Variants in EGF observed in about 807,000 individuals in gnomAD.
The protein encoded by EGF is epidermal growth factor.
A neutral mutation model predicts 143.8 loss-of-function variants in EGF; 95 were observed. That is an observed-to-expected ratio of 0.66 (90% CI 0.56 to 0.78). The LOEUF is 0.78. Among genes scored for constraint, EGF ranks in the 30% least tolerant of loss-of-function variants. The probability of loss-of-function intolerance (pLI) is 0.00; values close to 1 mark genes in which losing one functional copy is unlikely to be tolerated. For missense variants in EGF, 1,320 were observed against 1,470.9 expected (o/e 0.90, Z 1.68); for synonymous variants, 510 against 510.5 (o/e 1.00, Z 0.01).
chr4:109,996,848 G>A (rs916338926), intron 20 of EGF, among the ~76,000 whole-genome samples: 2 of 152,196 alleles, frequency 1.3e-5, no homozygotes, highest in African/African-American at 4.8e-5. Flanking sequence ...TGGGCTCAGA[G>A]GAGGTCCTCG....
At chr4:109,975,748 A>C (rs1165652769) in intron 12 of EGF, among the ~76,000 whole-genome samples, 1 of 152,202 alleles carries the variant, frequency 6.6e-6, no homozygotes, top group Non-Finnish European at 1.5e-5. Flanking sequence ...CATATATTGC[A>C]ATTTTTAAAC....
chr4:109,920,541 C>T (rs917413302), intron 1 of EGF, among the ~76,000 whole-genome samples: 5 of 151,506 alleles, frequency 3.3e-5, no homozygotes, highest in Non-Finnish European at 5.9e-5. Context: ...AAAGAAATCA[C>T]GTTCTTTTAA....
chr4:110,004,647 C>G, intron 22 of EGF, 25 bp downstream of exon 22: 1 of 1,602,572 alleles, frequency 6.2e-7, no homozygotes. Context: ...GCAGATGAAG[C>G]AAGGAATTGG....
intron 19 of EGF, 47 bp downstream of exon 19, chr4:109,993,416 G>C (rs910373763): frequency 6.2e-7 from 1 of 1,610,320 alleles, no homozygotes; most frequent in South Asian, 1.1e-5. Context: ...CTTGGCTCGG[G>C]GATATTCTAT....
intron 1 of EGF, among the ~76,000 whole-genome samples, chr4:109,930,356 A>G (rs1739475024): frequency 6.6e-6 from 1 of 152,148 alleles, no homozygotes; most frequent in South Asian, 2.1e-4. Context: ...GTAGTAATAA[A>G]TGACTCTTCT....
chr4:109,974,202 C>A (rs762291015), intron 11 of EGF, among the ~76,000 whole-genome samples: 2 of 152,120 alleles, frequency 1.3e-5, no homozygotes, highest in Non-Finnish European at 2.9e-5. Context: ...TGGTACCAAT[C>A]CCCCACAGAT....
chr4:109,983,533 T>C lies in EGF; in HGVS notation c.2483T>C (p.Met828Thr). The change falls in exon 16 of 24, where the codon ATG (methionine) becomes ACG (threonine). Residue 828 changes from methionine (M) to threonine (T), a missense_variant. Transcript: ENST00000265171. ...CAACACATGCTAGTGGCTGAAATCA[T>C]GGTGTCAGGTATGAATAACTAGTTC... ...ESQHMLVAEIMVSDQDDCAPV... is the reference protein window; with the variant it reads ...ESQHMLVAEITVSDQDDCAPV... 1 of 1,613,760 alleles carries C rather than the reference T, an allele frequency of 6.2e-7. No homozygotes were observed. The highest frequency in any genetic ancestry group is 8.5e-7 in the Non-Finnish European group (1 of 1,179,766).
rs11568992 is a variant in EGF at position 109,976,096 on chromosome 4, C to T, written c.1914C>T (p.Ser638=). 2 of 1,614,138 alleles carry T rather than the reference C, an allele frequency of 1.2e-6. No homozygotes were observed. Among genetic ancestry groups the T allele is most frequent in the South Asian group, 1.1e-5 (1 of 91,084 alleles). Residue 638 remains serine, a synonymous_variant, in exon 13 of 24, where the codon AGC becomes AGT. Transcript: ENST00000265171. ...GCCTTGGCCGTCTGGTTATAGCCAGCTCTGATCTAATCTGGCCCAGTGGAA... is the reference window on the plus strand; with the variant it reads ...GCCTTGGCCGTCTGGTTATAGCCAGTTCTGATCTAATCTGGCCCAGTGGAA... ...LQGLGRLVIA[S]SDLIWPSGIT... is the part of the protein sequence containing the mutation.
At chr4:110,004,269 C>G (rs71603052) in intron 21 of EGF, 38 of 551,742 alleles carry the variant, frequency 6.9e-5, no homozygotes, top group Non-Finnish European at 1.1e-4. Flanking sequence ...CACACACCCT[C>G]TACCTCACAG....
In EGF at chr4:109,960,900, G is replaced by A. The variant is rs375689009; in HGVS notation, c.1100G>A (p.Cys367Tyr). ...VNECAFWNHG[C>Y]TLGCKNTPGS... is the part of the protein sequence containing the mutation. ...GAATGTGCTTTTTGGAATCATGGCT[G>A]TACTCTTGGGTGTAAAAACACCCCT... Residue 367 changes from cysteine to tyrosine, a missense_variant, in exon 7 of 24, where the codon TGT (cysteine) becomes TAT (tyrosine). Cys to Tyr is a radical substitution (Grantham distance 194). Coordinates refer to ENST00000265171, the MANE Select transcript of EGF (RefSeq NM_001963.6). 6.2e-7 allele frequency: 1 copy of A among 1,613,978 alleles called. No homozygotes were observed. Among genetic ancestry groups the A allele is most frequent in the Non-Finnish European group, 8.5e-7 (1 of 1,179,896 alleles).
At chr4:109,947,459 G>A (rs923206831) in intron 5 of EGF, among the ~76,000 whole-genome samples, 1 of 151,456 alleles carries the variant, frequency 6.6e-6, no homozygotes, top group Non-Finnish European at 1.5e-5. Flanking sequence ...AATTCACAAA[G>A]CAAAAGTTGT....
At chr4:109,967,054 C>A (rs1428957167) in intron 10 of EGF, among the ~76,000 whole-genome samples, 1 of 152,002 alleles carries the variant, frequency 6.6e-6, no homozygotes, top group Non-Finnish European at 1.5e-5. Flanking sequence ...TAATTAATTC[C>A]CATTTGTATA....
intron 22 of EGF, 75 bp from the exon 23 acceptor site, chr4:110,008,077 C>A: frequency 1.5e-6 from 2 of 1,351,876 alleles, no homozygotes; most frequent in Non-Finnish European, 2.1e-6. Context: ...AAGCCATAGA[C>A]TTTGATTCAA....
At chr4:109,988,157 A>G (rs889945269) in intron 17 of EGF, among the ~76,000 whole-genome samples, 1 of 151,768 alleles carries the variant, frequency 6.6e-6, no homozygotes, top group Non-Finnish European at 1.5e-5. Context: ...GTTCAAGTCA[A>G]GTTTATGACT....
intron 6 of EGF, among the ~76,000 whole-genome samples, 162 bp from the exon 7 acceptor site, chr4:109,960,705 A>G (rs906720031): frequency 6.6e-6 from 1 of 152,152 alleles, no homozygotes; most frequent in Non-Finnish European, 1.5e-5. Flanking sequence ...CATTTAATTG[A>G]CTTATTTTAC....
chr4:109,938,099 G>C (rs754503612), intron 1 of EGF, among the ~76,000 whole-genome samples: 3 of 152,152 alleles, frequency 2.0e-5, no homozygotes, highest in African/African-American at 7.2e-5. Flanking sequence ...ATAATATGCC[G>C]AAGAGTGTTT....
At chr4:109,915,095 C>T (rs1391296345) in intron 1 of EGF, among the ~76,000 whole-genome samples, 2 of 152,166 alleles carry the variant, frequency 1.3e-5, no homozygotes, top group African/African-American at 4.8e-5. Flanking sequence ...TCCTTGCCAC[C>T]TCTGGTGGCT....
At chr4:109,992,048 C>A (rs1751006176) in intron 18 of EGF, among the ~76,000 whole-genome samples, 2 of 151,556 alleles carry the variant, frequency 1.3e-5, no homozygotes. Context: ...GTGATGCAAG[C>A]CTGTGGTCCA....
In EGF at chr4:109,983,545, T is replaced by A; in HGVS notation, c.2491+4T>A. On this transcript the variant is annotated splice_donor_region_variant and intron_variant, in intron 16 of 23. Transcript: ENST00000265171. ...GTGGCTGAAATCATGGTGTCAGGTA[T>A]GAATAACTAGTTCTCCAATATACCT... 6.2e-7 allele frequency: 1 copy of A among 1,613,562 alleles called. No individual in the cohort carries two copies. The highest frequency in any genetic ancestry group is 8.5e-7 in the Non-Finnish European group (1 of 1,179,666).
Sources: allele counts gnomAD v4.1 joint callset (sites outside exome capture counted in the v4.1 genomes callset), GRCh38; gene constraint gnomAD v4.1.1; transcripts MANE v1.5; gene names NCBI Gene and HGNC (gene_info 2026-07-23, HGNC 2026-07-21).